The following ATP8A2 variants were observed in gnomAD, a reference collection of about 807,000 sequenced individuals.
The protein encoded by ATP8A2 is ATPase phospholipid transporting 8A2.
In ATP8A2, 100 loss-of-function variants were observed where a neutral mutation model predicts 165.6. That is an observed-to-expected ratio of 0.60 (90% CI 0.51 to 0.71). The LOEUF (loss-of-function observed/expected upper bound fraction) is 0.71. Ranked by LOEUF, ATP8A2 falls within the 30% of genes least tolerant of loss-of-function variation. The pLI is 0.00. For synonymous variants in ATP8A2, 543 were observed against 548.8 expected (o/e 0.99, Z 0.15); for missense variants, 1,227 against 1,479.5 (o/e 0.83, Z 2.80).
intron 8 of ATP8A2, among the ~76,000 whole-genome samples, chr13:25,540,611 A>G (rs1015652303): frequency 6.6e-6 from 1 of 152,122 alleles, no homozygotes; most frequent in Non-Finnish European, 1.5e-5. Flanking sequence ...AGGCCTTCAT[A>G]TAGCGTCTTA....
intron 2 of ATP8A2, among the ~76,000 whole-genome samples, chr13:25,507,219 T>TTGTGTGTGTG (rs560460756): frequency 6.5e-4 from 82 of 127,006 alleles, no homozygotes; most frequent in African/African-American, 2.4e-3. Context: ...GTACCATTCT[T>TTGTGTGTGTG]TGTGTGTGTG....
At chr13:25,669,730 T>G (rs1045528868) in intron 24 of ATP8A2, among the ~76,000 whole-genome samples, 4 of 152,200 alleles carry the variant, frequency 2.6e-5, no homozygotes, top group Admixed American at 6.5e-5. Flanking sequence ...CCACCTTCCC[T>G]GCTTTTTGGT....
chr13:25,790,693 C>G (rs1249271694), intron 27 of ATP8A2, among the ~76,000 whole-genome samples: 1 of 92,650 alleles, frequency 1.1e-5, no homozygotes, highest in Non-Finnish European at 2.3e-5. Flanking sequence ...GACCTTGTCT[C>G]AAAAAAAAAA....
intron 24 of ATP8A2, among the ~76,000 whole-genome samples, chr13:25,635,186 A>G (rs2041339201): frequency 6.6e-6 from 1 of 152,184 alleles, no homozygotes; most frequent in Non-Finnish European, 1.5e-5. Context: ...GTAACATTTT[A>G]AAAGAGACAA....
At chr13:25,756,046 G>A (rs1343726898) in intron 25 of ATP8A2, among the ~76,000 whole-genome samples, 2 of 152,152 alleles carry the variant, frequency 1.3e-5, no homozygotes, top group African/African-American at 4.8e-5. Context: ...GACCTTGAGA[G>A]GCCTTAAAGC....
intron 35 of ATP8A2, among the ~76,000 whole-genome samples, chr13:26,009,267 C>A (rs536954019): frequency 4.6e-4 from 70 of 152,298 alleles, no homozygotes; most frequent in South Asian, 1.2e-3. Context: ...AATTCTGTCC[C>A]TTCATGATGA....
intron 25 of ATP8A2, among the ~76,000 whole-genome samples, chr13:25,761,521 C>T (rs1053750202): frequency 3.9e-5 from 6 of 151,932 alleles, no homozygotes; most frequent in Admixed American, 2.0e-4. Flanking sequence ...TGCACACCTG[C>T]GGCCTCAGCT....
chr13:25,642,411 AC>A (rs1179669529), intron 24 of ATP8A2, among the ~76,000 whole-genome samples: 2 of 152,184 alleles, frequency 1.3e-5, no homozygotes, highest in South Asian at 2.1e-4. Flanking sequence ...CAAGAAAAAA[AC>A]AACCCCATCA....
At chr13:25,772,735 A>ATTT (rs2044650293) in intron 26 of ATP8A2, among the ~76,000 whole-genome samples, 3 of 150,826 alleles carry the variant, frequency 2.0e-5, no homozygotes, top group East Asian at 1.9e-4. Flanking sequence ...TTAATTAATT[A>ATTT]ATTTATTTAT....
intron 30 of ATP8A2, among the ~76,000 whole-genome samples, chr13:25,858,415 C>T (rs2138745148): frequency 6.6e-6 from 1 of 152,270 alleles, no homozygotes; most frequent in Middle Eastern, 3.4e-3. Flanking sequence ...CCCCGTTCTC[C>T]CGATATAACT....
chr13:25,585,299 T>G (rs1407239934), intron 23 of ATP8A2, among the ~76,000 whole-genome samples: 1 of 152,240 alleles, frequency 6.6e-6, no homozygotes, highest in Non-Finnish European at 1.5e-5. Flanking sequence ...GATGTAGCCC[T>G]TGTGAATTTC....
intron 1 of ATP8A2, among the ~76,000 whole-genome samples, chr13:25,442,569 G>A (rs528836767): frequency 5.3e-5 from 8 of 152,068 alleles, no homozygotes; most frequent in Non-Finnish European, 7.4e-5. Flanking sequence ...GCACACCACC[G>A]TACCTGCCTA....
intron 2 of ATP8A2, among the ~76,000 whole-genome samples, chr13:25,481,480 T>A (rs1296630295): frequency 6.6e-6 from 1 of 152,186 alleles, no homozygotes; most frequent in Non-Finnish European, 1.5e-5. Context: ...AAACCATTTG[T>A]TCTTTTGGGA....
rs148034425 is a variant in ATP8A2, at chr13:25,967,526, C to A, written c.3273-1049C>A. On this transcript the variant is annotated intron_variant, in intron 34 of 36. Transcript: ENST00000381655. ...TGTTCCCATGACACCGTTTTCATTT[C>A]TGGGCAAAGGTGCTCAGTTTTTGTT... Among the ~76,000 whole-genome samples, 11 of 152,278 alleles carry A rather than the reference C, an allele frequency of 7.2e-5. No homozygotes were observed. In the East Asian group the frequency reaches 1.9e-3, roughly 27 times the overall value.
intron 24 of ATP8A2, among the ~76,000 whole-genome samples, chr13:25,643,835 G>T (rs548276520): frequency 6.6e-6 from 1 of 151,262 alleles, no homozygotes; most frequent in East Asian, 1.9e-4. Context: ...TGACTCTTTA[G>T]CATGCCTTGT....
At chr13:25,563,420 A>AG in intron 15 of ATP8A2, among the ~76,000 whole-genome samples, 1 of 151,262 alleles carries the variant, frequency 6.6e-6, no homozygotes, top group Non-Finnish European at 1.5e-5. Context: ...AAAAAAAAAA[A>AG]TTTCAGGAGG....
chr13:25,653,293 CCTT>C (rs2041856017), intron 24 of ATP8A2, among the ~76,000 whole-genome samples: 2 of 152,166 alleles, frequency 1.3e-5, no homozygotes, highest in African/African-American at 4.8e-5. Flanking sequence ...GAGACCATGA[CCTT>C]CGCAGGAACA....
chr13:25,960,112 G>A (rs574613873), intron 33 of ATP8A2, among the ~76,000 whole-genome samples: 3 of 152,384 alleles, frequency 2.0e-5, no homozygotes, highest in African/African-American at 7.2e-5. Context: ...GAGGGCTGTG[G>A]TTAGGCATGG....
chr13:25,887,527 C>T (rs546264574), intron 33 of ATP8A2, among the ~76,000 whole-genome samples: 5 of 152,068 alleles, frequency 3.3e-5, no homozygotes, highest in South Asian at 2.1e-4. Flanking sequence ...TTAGTAGAGA[C>T]GGGTTTCACC....
Sources: allele counts gnomAD v4.1 joint callset (sites outside exome capture counted in the v4.1 genomes callset), GRCh38; gene constraint gnomAD v4.1.1; transcripts MANE v1.5; gene names NCBI Gene and HGNC (gene_info 2026-07-23, HGNC 2026-07-21).